SEMA6D: variants seen among roughly 807,000 people sequenced by gnomAD.
SEMA6D encodes semaphorin 6D, also known as semaphorin-6D.
Under a neutral mutation model 106.6 loss-of-function variants are expected in SEMA6D, and 35 were observed. That is an observed-to-expected ratio of 0.33 (90% CI 0.25 to 0.44). The LOEUF (loss-of-function observed/expected upper bound fraction) is 0.44, where lower values mean the gene tolerates loss of function less well. Among genes scored for constraint, SEMA6D ranks in the 20% least tolerant of loss-of-function variants. The pLI is 1.00. For missense variants in SEMA6D, 1,185 were observed against 1,345.9 expected (o/e 0.88, Z 1.87); for synonymous variants, 499 against 487.7 (o/e 1.02, Z -0.31).
intron 2 of SEMA6D, among the ~76,000 whole-genome samples, chr15:47,417,788 CTT>C (rs1380650683): frequency 1.3e-5 from 2 of 151,630 alleles, no homozygotes; most frequent in Non-Finnish European, 2.9e-5. Flanking sequence ...ACATTAATCA[CTT>C]TTTGTTTTTT....
chr15:47,303,802 C>T (rs912387540), intron 1 of SEMA6D, among the ~76,000 whole-genome samples: 6 of 152,144 alleles, frequency 3.9e-5, no homozygotes, highest in Non-Finnish European at 7.3e-5. Flanking sequence ...ACTATTTCTT[C>T]AGTTCCAGGA....
rs375163615 is a variant in SEMA6D, at chr15:47,689,196, A to G, written c.-54-70549A>G. On this transcript the variant is annotated intron_variant, in intron 4 of 19. Coordinates refer to the SEMA6D transcript ENST00000558014. ...ATTCACCATGCTCAACAATACACTC[A>G]TATTCAGATTCTTAAAATATATCCT... Among the ~76,000 whole-genome samples the G allele has an allele frequency of 3.9e-4, 59 of 152,292 alleles. 1 individual carries two copies. In the East Asian group the frequency reaches 9.8e-3, roughly 25 times the overall value.
At chr15:47,561,198 G>A (rs1039116364) in intron 3 of SEMA6D, among the ~76,000 whole-genome samples, 1 of 151,910 alleles carries the variant, frequency 6.6e-6, no homozygotes, top group Non-Finnish European at 1.5e-5. Flanking sequence ...CACATTACAG[G>A]CGGTTTATGG....
At chr15:47,402,689 T>G (rs781290515) in intron 1 of SEMA6D, among the ~76,000 whole-genome samples, 33 of 151,846 alleles carry the variant, frequency 2.2e-4, no homozygotes, top group African/African-American at 7.7e-4. Flanking sequence ...ATTATTATAC[T>G]GTCATTTGTT....
At chr15:47,634,998 C>A (rs144932673) in intron 4 of SEMA6D, among the ~76,000 whole-genome samples, 21 of 152,218 alleles carry the variant, frequency 1.4e-4, no homozygotes, top group African/African-American at 3.9e-4. Flanking sequence ...TTTTTTGGAG[C>A]TTTTCAGTCA....
rs557816073 is a variant in SEMA6D at position 47,554,562 on chromosome 15, T to G, written c.-86-46303T>G. On this transcript the variant is annotated intron_variant, in intron 3 of 19. Transcript: ENST00000558014. ...AGTAAGTCACTTCAGCATTCAGTTT[T>G]CCTTTCCCAAGAGAGCACCTTTATA... 2.6e-5 allele frequency among the ~76,000 whole-genome samples: 4 copies of G among 152,322 alleles called. No homozygotes were observed. In the South Asian group the frequency reaches 6.2e-4, roughly 24 times the overall value.
At chr15:47,506,670 T>C (rs1336095795) in intron 3 of SEMA6D, among the ~76,000 whole-genome samples, 3 of 151,360 alleles carry the variant, frequency 2.0e-5, no homozygotes, top group African/African-American at 7.3e-5. Flanking sequence ...CAGTGCCTCA[T>C]TTTATAAATA....
chr15:47,411,166 G>C (rs1259778770), intron 1 of SEMA6D, among the ~76,000 whole-genome samples: 1 of 151,944 alleles, frequency 6.6e-6, no homozygotes, highest in African/African-American at 2.4e-5. Context: ...CACAGTCTCG[G>C]CTCACTGCAA....
At chr15:47,327,807 G>A (rs1202332754) in intron 1 of SEMA6D, among the ~76,000 whole-genome samples, 1 of 152,156 alleles carries the variant, frequency 6.6e-6, no homozygotes, top group East Asian at 1.9e-4. Flanking sequence ...TGCTTTGCAG[G>A]CAAGCTAAGA....
At chr15:47,569,255 T>C (rs968391128) in intron 3 of SEMA6D, among the ~76,000 whole-genome samples, 5 of 152,194 alleles carry the variant, frequency 3.3e-5, no homozygotes, top group Non-Finnish European at 7.3e-5. Context: ...TGATTCTACA[T>C]CTGCATTCCA....
intron 3 of SEMA6D, among the ~76,000 whole-genome samples, chr15:47,573,061 G>A (rs1181239519): frequency 2.0e-5 from 3 of 152,014 alleles, no homozygotes; most frequent in Non-Finnish European, 4.4e-5. Flanking sequence ...CGGCAGTTTG[G>A]TAAGCATTGT....
intron 4 of SEMA6D, among the ~76,000 whole-genome samples, chr15:47,649,499 AG>A (rs2077644886): frequency 6.6e-6 from 1 of 152,232 alleles, no homozygotes; most frequent in South Asian, 2.1e-4. Context: ...CTACATAGCC[AG>A]GTGTTGTGGC....
intron 3 of SEMA6D, among the ~76,000 whole-genome samples, chr15:47,530,322 G>A (rs1431993371): frequency 6.6e-6 from 1 of 152,112 alleles, no homozygotes; most frequent in African/African-American, 2.4e-5. Flanking sequence ...CATCTAACTT[G>A]TGAGTAATCC....
At chr15:47,749,209 G>C (rs759568848) in intron 1 of SEMA6D, among the ~76,000 whole-genome samples, 1 of 151,350 alleles carries the variant, frequency 6.6e-6, no homozygotes, top group African/African-American at 2.4e-5. Context: ...AGCCTTCCGA[G>C]TAGCTGGGAT....
At chr15:47,374,909 T>C (rs187095559) in intron 1 of SEMA6D, among the ~76,000 whole-genome samples, 2 of 152,286 alleles carry the variant, frequency 1.3e-5, no homozygotes, top group East Asian at 3.9e-4. Flanking sequence ...AAAGGCTAGT[T>C]TCTGCAGCTC....
chr15:47,325,258 C>T (rs531585418), intron 1 of SEMA6D, among the ~76,000 whole-genome samples: 56 of 152,010 alleles, frequency 3.7e-4, no homozygotes, highest in Non-Finnish European at 5.4e-4. Flanking sequence ...ACTGCAACCT[C>T]CACCTCCCGG....
At chr15:47,448,233 C>T (rs374237407) in intron 2 of SEMA6D, among the ~76,000 whole-genome samples, 29 of 152,214 alleles carry the variant, frequency 1.9e-4, no homozygotes, top group African/African-American at 6.5e-4. Context: ...AATTGTACCA[C>T]GACGCCTGGG....
intron 3 of SEMA6D, among the ~76,000 whole-genome samples, chr15:47,585,118 T>C (rs2076314902): frequency 6.6e-6 from 1 of 152,202 alleles, no homozygotes; most frequent in Admixed American, 6.5e-5. Flanking sequence ...TCAGATCTTC[T>C]CCCAACATCC....
At chr15:47,630,898 T>C (rs938913880) in intron 4 of SEMA6D, among the ~76,000 whole-genome samples, 2 of 151,952 alleles carry the variant, frequency 1.3e-5, no homozygotes, top group Admixed American at 6.6e-5. Flanking sequence ...GAGTATTACA[T>C]TGATTTATTT....
Sources: gnomAD v4.1 joint callset for allele counts (sites outside exome capture counted in the v4.1 genomes callset) on GRCh38, gnomAD v4.1.1 for gene constraint, MANE v1.5 for transcripts, NCBI Gene and HGNC (gene_info 2026-07-23, HGNC 2026-07-21) for gene names.